TAF4B: variants seen among roughly 807,000 people sequenced by gnomAD.
TAF4B encodes transcription initiation factor TFIID subunit 4B.
Under a neutral mutation model 86.4 loss-of-function variants are expected in TAF4B, and 38 were observed. The ratio of observed to expected loss-of-function variants is 0.44; its 90% CI spans 0.34 to 0.58. The LOEUF (loss-of-function observed/expected upper bound fraction) is 0.58, where lower values mean the gene tolerates loss of function less well. Ranked by LOEUF, TAF4B falls within the 20% of genes least tolerant of loss-of-function variation. The pLI, the probability that TAF4B is intolerant of heterozygous loss-of-function variation, is 0.02. For missense variants in TAF4B, 988 were observed against 1,027.6 expected, an observed-to-expected ratio of 0.96 and a Z score of 0.53; for synonymous variants, 388 against 391.2, an observed-to-expected ratio of 0.99 and a Z score of 0.10.
chr18:26,289,508 C>A (rs1037923571), intron 7 of TAF4B, among the ~76,000 whole-genome samples: 4 of 152,020 alleles, frequency 2.6e-5, no homozygotes, highest in Admixed American at 6.6e-5. Context: ...GTTTTTTAGA[C>A]AGTGTCTTAC....
intron 13 of TAF4B, among the ~76,000 whole-genome samples, chr18:26,343,432 C>A (rs957484819): frequency 9.2e-5 from 14 of 152,166 alleles, no homozygotes; most frequent in African/African-American, 3.4e-4. Flanking sequence ...ACCACCAGAT[C>A]CCAGATTGAC....
At chr18:26,261,005 A>G (rs185164477) in intron 1 of TAF4B, among the ~76,000 whole-genome samples, 13 of 152,154 alleles carry the variant, frequency 8.5e-5, no homozygotes, top group Non-Finnish European at 1.3e-4. Context: ...GTTGTTAACT[A>G]TAGTGTAGCA....
chr18:26,363,577 A>T (rs2057347420), intron 14 of TAF4B, among the ~76,000 whole-genome samples: 1 of 151,932 alleles, frequency 6.6e-6, no homozygotes, highest in African/African-American at 2.4e-5. Context: ...GAGAGAGAGG[A>T]GAGAGCCCTA....
rs79419546 is a variant in TAF4B, at chr18:26,275,623, A to G, written c.882+570A>G. 1.9e-4 allele frequency among the ~76,000 whole-genome samples: 29 copies of G among 152,344 alleles called. No homozygotes were observed. In the East Asian group the frequency reaches 4.0e-3, roughly 21 times the overall value. On this transcript the variant is annotated intron_variant, in intron 5 of 14. Transcript: ENST00000269142. ...AAGGTATACAACATGATGTTTTGAT[A>G]TATATATTATTTCTGTACATCAGTC...
At chr18:26,246,597 G>T (rs1403134688) in intron 1 of TAF4B, among the ~76,000 whole-genome samples, 1 of 151,698 alleles carries the variant, frequency 6.6e-6, no homozygotes, top group African/African-American at 2.4e-5. Flanking sequence ...GCAGTGGCGC[G>T]ATCTCAGCTC....
intron 5 of TAF4B, among the ~76,000 whole-genome samples, chr18:26,278,294 G>A (rs1175962167): frequency 6.6e-6 from 1 of 151,952 alleles, no homozygotes; most frequent in Non-Finnish European, 1.5e-5. Context: ...AGTGAAATTG[G>A]GTCTATTTTT....
At chr18:26,358,765 T>C (rs1455035408) in intron 14 of TAF4B, among the ~76,000 whole-genome samples, 9 of 152,128 alleles carry the variant, frequency 5.9e-5, no homozygotes, top group Admixed American at 5.9e-4. Flanking sequence ...GGAGCAATCA[T>C]TAGGGCTGAG....
In TAF4B at chr18:26,357,790, T is replaced by C; in HGVS notation, c.2417T>C (p.Ile806Thr). 1.3e-6 allele frequency: 2 copies of C among 1,594,894 alleles called. No individual in the cohort carries two copies. Among genetic ancestry groups the C allele is most frequent in the East Asian group, 4.5e-5 (2 of 44,702 alleles). ...PRKKRPLESGIEGLKDNLLAS... is the reference protein window; with the variant it reads ...PRKKRPLESGTEGLKDNLLAS... ...AAGAAGAGACCACTAGAATCTGGAA[T>C]TGAGGTATTGAAATAATATTCATTA... Residue 806 changes from isoleucine (I) to threonine (T), a missense_variant, in exon 14 of 15, where the codon ATT becomes ACT. Physicochemically the swap from Ile to Thr is moderately conservative, Grantham distance 89. Coordinates refer to ENST00000269142, the MANE Select transcript of TAF4B (RefSeq NM_005640.3).
intron 3 of TAF4B, among the ~76,000 whole-genome samples, chr18:26,271,121 TAAG>T (rs2056311824): frequency 1.3e-5 from 2 of 152,222 alleles, no homozygotes; most frequent in South Asian, 2.1e-4. Context: ...GGCATGGAAA[TAAG>T]GAGCTAGAAC....
At chr18:26,300,630 T>C (rs558189969) in intron 9 of TAF4B, among the ~76,000 whole-genome samples, 184 of 152,174 alleles carry the variant, frequency 1.2e-3, no homozygotes, top group African/African-American at 4.1e-3. Context: ...TTTTATTAAA[T>C]TTATTGAGAC....
intron 13 of TAF4B, among the ~76,000 whole-genome samples, chr18:26,350,780 T>C (rs1038706294): frequency 6.6e-6 from 1 of 152,198 alleles, no homozygotes; most frequent in Non-Finnish European, 1.5e-5. Context: ...AAATGTTCTA[T>C]GTCACTAATC....
chr18:26,245,424 G>A (rs953571338), intron 1 of TAF4B, among the ~76,000 whole-genome samples: 5 of 152,156 alleles, frequency 3.3e-5, no homozygotes, highest in Non-Finnish European at 7.3e-5. Flanking sequence ...AGCTTCCACA[G>A]TGTGGAAGGG....
intron 1 of TAF4B, among the ~76,000 whole-genome samples, chr18:26,234,051 T>G (rs1299793217): frequency 1.3e-5 from 2 of 152,192 alleles, no homozygotes; most frequent in African/African-American, 4.8e-5. Flanking sequence ...TGACTGACTT[T>G]GGGTATGAGT....
chr18:26,382,651 G>A (rs2144388425), intron 14 of TAF4B, among the ~76,000 whole-genome samples: 1 of 151,920 alleles, frequency 6.6e-6, no homozygotes, highest in East Asian at 1.9e-4. Context: ...GAATTAGAAG[G>A]TCCAAAGCTC....
At chr18:26,280,444 T>G (rs1435066921) in intron 5 of TAF4B, among the ~76,000 whole-genome samples, 1 of 151,942 alleles carries the variant, frequency 6.6e-6, no homozygotes, top group Non-Finnish European at 1.5e-5. Context: ...ACAGAATCAA[T>G]AAGGAACTTA....
In TAF4B at chr18:26,265,244, A is replaced by G. The variant is rs756152431; in HGVS notation, c.418A>G (p.Thr140Ala). ...SPQQTVTRAE[T>A]TSNITSRPAV... ...TCAGCAAACTGTAACAAGAGCCGAG[A>G]CCACAAGTAACATAACCTCAAGGCC... The change falls in exon 2 of 15, where the codon ACC becomes GCC. Residue 140 changes from threonine (T) to alanine (A), a missense_variant. Physicochemically the swap from Thr to Ala is moderately conservative, Grantham distance 58. Transcript: ENST00000269142. 6.2e-7 allele frequency: 1 copy of G among 1,614,190 alleles called. No individual in the cohort carries two copies. Among genetic ancestry groups the G allele is most frequent in the Non-Finnish European group, 8.5e-7 (1 of 1,180,038 alleles).
intron 9 of TAF4B, among the ~76,000 whole-genome samples, chr18:26,298,692 C>T (rs183672830): frequency 6.6e-6 from 1 of 151,964 alleles, no homozygotes; most frequent in Admixed American, 6.6e-5. Flanking sequence ...ATTACCATGC[C>T]CAAGTAACTT....
chr18:26,310,970 C>G (rs186257856), intron 9 of TAF4B, among the ~76,000 whole-genome samples: 509 of 151,220 alleles, frequency 3.4e-3, no homozygotes, highest in Non-Finnish European at 5.2e-3. Flanking sequence ...TTTTTTTAAC[C>G]ACTTAATAGT....
At chr18:26,313,624 C>A (rs539469882) in intron 9 of TAF4B, among the ~76,000 whole-genome samples, 3 of 151,458 alleles carry the variant, frequency 2.0e-5, no homozygotes, top group East Asian at 3.9e-4. Context: ...ATTGTTACTT[C>A]TCTTCATTTT....
Sources: gnomAD v4.1 joint callset for allele counts (sites outside exome capture counted in the v4.1 genomes callset) on GRCh38, gnomAD v4.1.1 for gene constraint, MANE v1.5 for transcripts, NCBI Gene and HGNC (gene_info 2026-07-23, HGNC 2026-07-21) for gene names.